TSHZ2: variants seen among roughly 807,000 people sequenced by gnomAD.
The protein encoded by TSHZ2 is teashirt homolog 2.
A neutral mutation model predicts 74.4 loss-of-function variants in TSHZ2; 21 were observed. The observed-to-expected ratio is 0.28, with a 90% CI of 0.20 to 0.41. The LOEUF (loss-of-function observed/expected upper bound fraction) is 0.41, where lower values mean the gene tolerates loss of function less well. TSHZ2 is among the 10% of genes least tolerant of loss of function. The pLI, the probability that TSHZ2 is intolerant of heterozygous loss-of-function variation, is 1.00. For missense variants in TSHZ2, 1,244 were observed against 1,293.5 expected (o/e 0.96, Z 0.59); for synonymous variants, 540 against 515.3 (o/e 1.05, Z -0.65).
intron 2 of TSHZ2, among the ~76,000 whole-genome samples, chr20:53,352,857 G>A (rs1980705677): frequency 1.3e-5 from 2 of 151,672 alleles, no homozygotes; most frequent in Non-Finnish European, 2.9e-5. Flanking sequence ...TTATTTGGAG[G>A]TGCAAATTCC....
Position 53,226,713 on chromosome 20 carries a change from T to A in TSHZ2, c.41-26786T>A, listed in dbSNP as rs1172764547. Reference sequence around the variant, plus strand: ...CATATTACCATTTGGGATAATTATTTACCGGGTACCGTCCTGTGTTATCAG... The same window carrying A: ...CATATTACCATTTGGGATAATTATTAACCGGGTACCGTCCTGTGTTATCAG... On this transcript the variant is annotated intron_variant, in intron 1 of 2. Transcript: ENST00000371497. Among the ~76,000 whole-genome samples the A allele has an allele frequency of 4.6e-5, 7 of 152,122 alleles. No individual in the cohort carries two copies. The East Asian group carries it at 7.7e-4, about 17-fold the overall frequency.
chr20:53,256,165 G>A lies in TSHZ2; in HGVS notation c.2707G>A (p.Val903Ile), dbSNP rs561039614. ...MTTISHWLAN[V>I]KYQLRKTGGT... ...CACTATCAGTCACTGGCTGGCCAACGTCAAGTACCAGCTTAGGAAAACGGG... is the reference window on the plus strand; with the variant it reads ...CACTATCAGTCACTGGCTGGCCAACATCAAGTACCAGCTTAGGAAAACGGG... Residue 903 changes from valine (V) to isoleucine (I), a missense_variant, in exon 2 of 3, where the codon GTC becomes ATC. Coordinates refer to ENST00000371497, the MANE Select transcript of TSHZ2 (RefSeq NM_173485.6). This position sits in a 1 kb window ranked among gnomAD's most constrained non-coding sequence, Gnocchi z 4.3. 1.2e-5 allele frequency: 20 copies of A among 1,612,816 alleles called. No individual in the cohort carries two copies. The highest frequency in any genetic ancestry group is 4.5e-5 in the East Asian group (2 of 44,826).
intron 1 of TSHZ2, among the ~76,000 whole-genome samples, chr20:53,116,709 A>G (rs758959803): frequency 6.6e-6 from 1 of 152,128 alleles, no homozygotes; most frequent in Non-Finnish European, 1.5e-5. Flanking sequence ...TTGAGACCCT[A>G]TGTCCTCAGG....
chr20:53,344,025 T>C (rs982012214), intron 2 of TSHZ2, among the ~76,000 whole-genome samples: 1 of 152,172 alleles, frequency 6.6e-6, no homozygotes, highest in Non-Finnish European at 1.5e-5. Flanking sequence ...CAGTCCCCTG[T>C]GTGTTTTCTT....
At chr20:53,144,100 G>T (rs1486522234) in intron 1 of TSHZ2, among the ~76,000 whole-genome samples, 1 of 152,190 alleles carries the variant, frequency 6.6e-6, no homozygotes, top group East Asian at 1.9e-4. Context: ...GGTACCAGCT[G>T]ATCCACTGAG....
intron 1 of TSHZ2, among the ~76,000 whole-genome samples, chr20:53,247,540 T>C (rs185915982): frequency 6.6e-6 from 1 of 152,298 alleles, no homozygotes; most frequent in Non-Finnish European, 1.5e-5. Flanking sequence ...GTGCCAATAA[T>C]AACATACATA....
chr20:53,213,495 G>A (rs946701703), intron 1 of TSHZ2, among the ~76,000 whole-genome samples: 1 of 152,116 alleles, frequency 6.6e-6, no homozygotes, highest in Non-Finnish European at 1.5e-5. Context: ...AGTGTTTAAA[G>A]TTTAATTAAT....
chr20:53,249,916 T>C (rs1990288619), intron 1 of TSHZ2, among the ~76,000 whole-genome samples: 1 of 152,110 alleles, frequency 6.6e-6, no homozygotes, highest in South Asian at 2.1e-4. Context: ...GAGCAGACTG[T>C]GGGAAGTAGA....
At chr20:52,990,583 C>T (rs930625168) in intron 1 of TSHZ2, among the ~76,000 whole-genome samples, 2 of 152,102 alleles carry the variant, frequency 1.3e-5, no homozygotes, top group African/African-American at 2.4e-5. Context: ...TTAGAGATGC[C>T]GAGCTCCTGG....
At chr20:52,993,087 T>C (rs977265425) in intron 1 of TSHZ2, among the ~76,000 whole-genome samples, 6 of 152,334 alleles carry the variant, frequency 3.9e-5, no homozygotes, top group East Asian at 1.9e-4. Flanking sequence ...ACATCCACAA[T>C]AGAAGGACTT....
intron 2 of TSHZ2, among the ~76,000 whole-genome samples, chr20:53,314,953 G>A (rs758962093): frequency 6.6e-6 from 1 of 152,100 alleles, no homozygotes; most frequent in Non-Finnish European, 1.5e-5. Flanking sequence ...ATGAAGGCAG[G>A]CTTCCCCAAG....
intron 2 of TSHZ2, among the ~76,000 whole-genome samples, chr20:53,334,683 T>C (rs1212088961): frequency 6.6e-6 from 1 of 152,094 alleles, no homozygotes; most frequent in African/African-American, 2.4e-5. Context: ...TTTACTTTTT[T>C]TTTTTCTAAT....
chr20:53,304,782 C>T (rs1978454518), intron 2 of TSHZ2, among the ~76,000 whole-genome samples: 1 of 152,042 alleles, frequency 6.6e-6, no homozygotes, highest in South Asian at 2.1e-4. Context: ...CAGGCACGCA[C>T]CACCACGCCC....
chr20:53,199,887 T>G (rs774379089), intron 1 of TSHZ2, among the ~76,000 whole-genome samples: 1 of 152,224 alleles, frequency 6.6e-6, no homozygotes, highest in Non-Finnish European at 1.5e-5. Flanking sequence ...GTGGTTTCTA[T>G]GGCACAGGTG....
At chr20:53,482,661 G>T (rs1986185608) in intron 2 of TSHZ2, among the ~76,000 whole-genome samples, 1 of 152,168 alleles carries the variant, frequency 6.6e-6, no homozygotes, top group African/African-American at 2.4e-5. Context: ...CCAGCACTTT[G>T]GGAGGCCAAG....
intron 2 of TSHZ2, among the ~76,000 whole-genome samples, chr20:53,423,381 C>G (rs1403811592): frequency 6.6e-6 from 1 of 151,434 alleles, no homozygotes; most frequent in Non-Finnish European, 1.5e-5. Flanking sequence ...AAGGTTCCAT[C>G]TCAAAAAAAA....
At chr20:52,985,168 G>A (rs959603301) in intron 1 of TSHZ2, among the ~76,000 whole-genome samples, 1 of 151,932 alleles carries the variant, frequency 6.6e-6, no homozygotes, top group Admixed American at 6.5e-5. Context: ...GCAAGAGGAT[G>A]GATCTTGGAG....
intron 1 of TSHZ2, among the ~76,000 whole-genome samples, chr20:53,167,193 G>A (rs1988083516): frequency 6.6e-6 from 1 of 152,252 alleles, no homozygotes; most frequent in Non-Finnish European, 1.5e-5. Flanking sequence ...GATGAATGTA[G>A]AGGCCAGCAG....
intron 2 of TSHZ2, among the ~76,000 whole-genome samples, chr20:53,314,657 T>A (rs1403591545): frequency 6.7e-6 from 1 of 148,602 alleles, no homozygotes; most frequent in African/African-American, 2.5e-5. Context: ...AGAGTCTCAC[T>A]GTCTCCCAGG....
Sources: allele counts gnomAD v4.1 joint callset (sites outside exome capture counted in the v4.1 genomes callset), GRCh38; gene constraint gnomAD v4.1.1; non-coding constraint Gnocchi (gnomAD v3.1); transcripts MANE v1.5; gene names NCBI Gene and HGNC (gene_info 2026-07-23, HGNC 2026-07-21).